GUCY1A2: variants seen among roughly 807,000 people sequenced by gnomAD.
The protein encoded by GUCY1A2 is guanylate cyclase 1 soluble subunit alpha 2, also known as guanylate cyclase soluble subunit alpha-2.
In GUCY1A2, 27 loss-of-function variants were observed where a neutral mutation model predicts 63.5. The observed-to-expected ratio is 0.43, with a 90% CI of 0.31 to 0.59. The LOEUF (loss-of-function observed/expected upper bound fraction) is 0.59, where lower values mean the gene tolerates loss of function less well. Ranked by LOEUF, GUCY1A2 falls within the 20% of genes least tolerant of loss-of-function variation. The pLI is 0.11. For missense variants in GUCY1A2, 768 were observed against 913.3 expected, an observed-to-expected ratio of 0.84 and a Z score of 2.05; for synonymous variants, 364 against 343.5, an observed-to-expected ratio of 1.06 and a Z score of -0.66.
intron 4 of GUCY1A2, among the ~76,000 whole-genome samples, chr11:106,919,308 G>T (rs759622723): frequency 6.6e-6 from 1 of 152,026 alleles, no homozygotes; most frequent in Non-Finnish European, 1.5e-5. Flanking sequence ...CTAATATACA[G>T]CATGATGACT....
chr11:106,888,766 C>T (rs139041580), intron 4 of GUCY1A2, among the ~76,000 whole-genome samples: 2 of 152,298 alleles, frequency 1.3e-5, no homozygotes, highest in African/African-American at 4.8e-5. Flanking sequence ...TGCTATACTT[C>T]CTTTGATCAC....
At chr11:106,958,023 G>C (rs1385888247) in intron 3 of GUCY1A2, among the ~76,000 whole-genome samples, 2 of 151,940 alleles carry the variant, frequency 1.3e-5, no homozygotes, top group Non-Finnish European at 2.9e-5. Context: ...AACAGCATTA[G>C]ATGTTAAGAG....
intron 4 of GUCY1A2, chr11:106,826,908 A>G: frequency 6.2e-7 from 1 of 1,607,300 alleles, no homozygotes; most frequent in Non-Finnish European, 8.5e-7. Context: ...CAAAACTGTT[A>G]CCATGGAGAA....
chr11:106,731,494 C>A lies in GUCY1A2; in HGVS notation c.1837-22828G>T, dbSNP rs180713701. On this transcript the variant is annotated intron_variant, in intron 6 of 7. Transcript: ENST00000526355. The stretch of plus-strand genomic sequence containing the variant: ...CCGGAACAAGACAAGGATGCCCTCT[C>A]TCAACACTCCTATTCAAGATAGTAC... Among the ~76,000 whole-genome samples, 153 of 152,152 alleles carry A rather than the reference C, an allele frequency of 1.0e-3. 1 individual carries two copies. The highest frequency in any genetic ancestry group is 1.7e-3 in the Non-Finnish European group (113 of 67,984).
In GUCY1A2 at chr11:106,677,308, C is replaced by T. The variant is rs1360216030; in HGVS notation, c.*10241G>A. The T allele has an allele frequency of 3.2e-5, 7 of 216,252 alleles. No individual in the cohort carries two copies. The highest frequency in any genetic ancestry group is 5.6e-5 in the Non-Finnish European group (6 of 107,400). The allele number at this position is 216,252 out of a possible 1,614,324, so 13.4% of individuals were successfully genotyped here. A position where few individuals can be genotyped will look rare whatever the true frequency, so the allele number is the denominator to read the frequency against. On this transcript the variant is annotated 3_prime_UTR_variant, in exon 8 of 8. Transcript: ENST00000526355. ...TGCACATAAAACTTATGTATATAAA[C>T]CATTCATTTCACATTCATCAAGAAT...
At chr11:107,009,377 C>T (rs555091527) in intron 1 of GUCY1A2, among the ~76,000 whole-genome samples, 1 of 152,250 alleles carries the variant, frequency 6.6e-6, no homozygotes, top group Admixed American at 6.5e-5. Flanking sequence ...GTAGATGGAG[C>T]ATTTGAGAAA....
chr11:106,895,666 C>T (rs1052724603), intron 4 of GUCY1A2, among the ~76,000 whole-genome samples: 1 of 152,160 alleles, frequency 6.6e-6, no homozygotes, highest in African/African-American at 2.4e-5. Flanking sequence ...GTTCATTAAA[C>T]CTCTTTTTCT....
chr11:106,899,567 T>C (rs911274094), intron 4 of GUCY1A2, among the ~76,000 whole-genome samples: 1 of 151,924 alleles, frequency 6.6e-6, no homozygotes, highest in Non-Finnish European at 1.5e-5. Context: ...AAGCAACCTG[T>C]TGTTTAGTCT....
intron 4 of GUCY1A2, among the ~76,000 whole-genome samples, chr11:106,858,031 C>T (rs551102091): frequency 3.1e-4 from 47 of 152,294 alleles, no homozygotes; most frequent in African/African-American, 8.9e-4. Context: ...AGATAGGCCT[C>T]TCAGCAATGA....
intron 4 of GUCY1A2, among the ~76,000 whole-genome samples, chr11:106,835,652 C>A (rs1213468106): frequency 2.0e-5 from 3 of 150,600 alleles, no homozygotes; most frequent in Non-Finnish European, 4.4e-5. Context: ...ACAGATAGCA[C>A]AGAGATCATA....
At chr11:107,016,058 C>G (rs1452225609) in intron 1 of GUCY1A2, among the ~76,000 whole-genome samples, 2 of 152,156 alleles carry the variant, frequency 1.3e-5, no homozygotes, top group African/African-American at 4.8e-5. Flanking sequence ...AAAAATCATT[C>G]TCCATTAATA....
intron 6 of GUCY1A2, among the ~76,000 whole-genome samples, chr11:106,718,677 G>A (rs1161019573): frequency 1.3e-5 from 2 of 151,870 alleles, no homozygotes; most frequent in Non-Finnish European, 1.5e-5. Context: ...AATCAACTGA[G>A]ATACTTAGAT....
intron 4 of GUCY1A2, among the ~76,000 whole-genome samples, chr11:106,897,168 A>T (rs1860062356): frequency 6.6e-6 from 1 of 152,166 alleles, no homozygotes; most frequent in African/African-American, 2.4e-5. Flanking sequence ...TGAAGAAAAT[A>T]ACAAAACTCT....
chr11:106,848,606 T>C (rs980059551), intron 4 of GUCY1A2, among the ~76,000 whole-genome samples: 1 of 151,686 alleles, frequency 6.6e-6, no homozygotes, highest in African/African-American at 2.4e-5. Context: ...ACTGGAGTAT[T>C]ATAATTTTTG....
chr11:106,739,970 A>G (rs1251171531), intron 6 of GUCY1A2, among the ~76,000 whole-genome samples: 73 of 147,072 alleles, frequency 5.0e-4, no homozygotes, highest in Non-Finnish European at 9.0e-5. Flanking sequence ...CGTAAGTACC[A>G]CTACCTTTAC....
rs1862341976 is a variant in GUCY1A2 at position 106,676,125 on chromosome 11, TAAAA to T, written c.*11420_*11423del. On this transcript the variant is annotated 3_prime_UTR_variant, in exon 8 of 8. Coordinates refer to ENST00000526355, the MANE Select transcript of GUCY1A2 (RefSeq NM_000855.3). Reference sequence around the variant, plus strand: ...TGAATATAATCTTAATACATAAAAATAAAAAACCAGAAAGAATACAATTTTAAGT... The same window carrying T: ...TGAATATAATCTTAATACATAAAAATAACCAGAAAGAATACAATTTTAAGT... 3 of 181,280 alleles carry T rather than the reference TAAAA, an allele frequency of 1.7e-5. No homozygotes were observed. The East Asian group carries it at 2.7e-4, about 16-fold the overall frequency. 11.2% of individuals were successfully genotyped at this position (181,280 alleles called of 1,614,324 possible).
intron 4 of GUCY1A2, among the ~76,000 whole-genome samples, chr11:106,893,103 G>A (rs967182820): frequency 1.4e-4 from 21 of 152,134 alleles, no homozygotes; most frequent in African/African-American, 4.8e-4. Flanking sequence ...TTTAAGGGGA[G>A]CTTTAAAGGT....
chr11:106,785,839 G>A (rs1352745901), intron 5 of GUCY1A2, among the ~76,000 whole-genome samples: 1 of 150,512 alleles, frequency 6.6e-6, no homozygotes, highest in Admixed American at 6.6e-5. Context: ...TATATGAAGT[G>A]AGTTAAAAAT....
intron 6 of GUCY1A2, among the ~76,000 whole-genome samples, chr11:106,768,156 C>A (rs1339506048): frequency 1.3e-5 from 2 of 152,192 alleles, no homozygotes; most frequent in East Asian, 3.9e-4. Context: ...GTCAATCTCT[C>A]TCTCTCTTTC....
Sources: gnomAD v4.1 joint callset for allele counts (sites outside exome capture counted in the v4.1 genomes callset) on GRCh38, gnomAD v4.1.1 for gene constraint, MANE v1.5 for transcripts, NCBI Gene and HGNC (gene_info 2026-07-23, HGNC 2026-07-21) for gene names.